Variants in PRDM1 observed in about 807,000 individuals in gnomAD.
PRDM1 encodes the protein PR/SET domain 1.
A neutral mutation model predicts 62.8 loss-of-function variants in PRDM1; 13 were observed. The observed-to-expected ratio is 0.21, with a 90% confidence interval of 0.13 to 0.33. The LOEUF is 0.33. Ranked by LOEUF, PRDM1 falls within the 10% of genes least tolerant of loss-of-function variation. PRDM1 has a pLI of 1.00. For missense variants in PRDM1, 895 were observed against 1,058.8 expected (o/e 0.85, Z 2.15); for synonymous variants, 396 against 417.6 (o/e 0.95, Z 0.63).
intron 3 of PRDM1, chr6:106,096,055 G>A: frequency 4.4e-6 from 1 of 225,432 alleles, no homozygotes; most frequent in Non-Finnish European, 8.9e-6. Context: ...CAAGGAAGTA[G>A]TAATGAGTTA....
intron 1 of PRDM1, among the ~76,000 whole-genome samples, chr6:106,061,756 A>C (rs1451492732): frequency 6.6e-6 from 1 of 152,198 alleles, no homozygotes. Flanking sequence ...AGAGGTCTTC[A>C]TGCATTTTCA....
chr6:105,995,745 C>T (rs942108934), intron 1 of PRDM1, among the ~76,000 whole-genome samples: 1 of 151,670 alleles, frequency 6.6e-6, no homozygotes, highest in Non-Finnish European at 1.5e-5. Context: ...AATCAGTCAG[C>T]TAGACTTGGT....
chr6:106,015,500 G>A (rs1433606361), intron 1 of PRDM1, among the ~76,000 whole-genome samples: 2 of 141,940 alleles, frequency 1.4e-5, no homozygotes, highest in Non-Finnish European at 3.0e-5. Context: ...ATGAGAAAGA[G>A]AAAAAGAGAT....
intron 1 of PRDM1, among the ~76,000 whole-genome samples, chr6:105,997,118 C>A (rs1772357727): frequency 6.6e-6 from 1 of 152,180 alleles, no homozygotes; most frequent in Non-Finnish European, 1.5e-5. Context: ...ACTGTAAGGA[C>A]AGGGGTAAAA....
chr6:105,998,786 T>C (rs1171633795), intron 1 of PRDM1, among the ~76,000 whole-genome samples: 2 of 151,858 alleles, frequency 1.3e-5, no homozygotes, highest in African/African-American at 4.8e-5. Context: ...ATTTTTACCA[T>C]TTATAGTTCT....
intron 1 of PRDM1, among the ~76,000 whole-genome samples, chr6:106,053,743 C>T (rs76616238): frequency 6.1e-4 from 93 of 152,178 alleles, no homozygotes; most frequent in African/African-American, 2.2e-3. Flanking sequence ...CCCTGGTTGG[C>T]GAGGCTCCCT....
At chr6:106,025,711 C>A (rs1261149851) in intron 1 of PRDM1, among the ~76,000 whole-genome samples, 2 of 152,140 alleles carry the variant, frequency 1.3e-5, no homozygotes, top group Non-Finnish European at 2.9e-5. Flanking sequence ...AATAACATAG[C>A]ATTATTATGC....
chr6:106,086,568 C>T lies in PRDM1; in HGVS notation c.15C>T (p.Cys5=). 1.9e-6 allele frequency: 3 copies of T among 1,551,560 alleles called. No individual in the cohort carries two copies. The highest frequency in any genetic ancestry group is 1.2e-5 in the South Asian group (1 of 84,002). The change falls in exon 1 of 7, where the codon TGC becomes TGT. Residue 5 remains cysteine, a synonymous_variant. Transcript: ENST00000369096. ...ACTTTTCTCAGATGTTGGATATTTG[C>T]TTGGAAAAACGTGTGGGTACGACCT... MLDI[C]LEKRVGTTLA...
intron 1 of PRDM1, among the ~76,000 whole-genome samples, chr6:106,073,945 A>T (rs1265461040): frequency 1.3e-5 from 2 of 152,202 alleles, no homozygotes; most frequent in Admixed American, 6.5e-5. Context: ...ACATGAGTGG[A>T]GACAAAGACT....
chr6:106,014,538 A>G (rs1348850097), intron 1 of PRDM1, among the ~76,000 whole-genome samples: 1 of 151,918 alleles, frequency 6.6e-6, no homozygotes, highest in East Asian at 1.9e-4. Flanking sequence ...AAACCAGATT[A>G]TTTTAATATA....
intron 3 of PRDM1, chr6:106,098,288 A>G (rs1774166575): frequency 1.0e-6 from 1 of 985,192 alleles, no homozygotes; most frequent in Non-Finnish European, 1.2e-6. Context: ...AGGGGAAGAG[A>G]GAAAACTTTG....
At chr6:106,027,593 T>C (rs1025684123) in intron 1 of PRDM1, among the ~76,000 whole-genome samples, 10 of 147,538 alleles carry the variant, frequency 6.8e-5, no homozygotes, top group Admixed American at 5.5e-4. Context: ...AGTTGTAAAG[T>C]ACAGACTGCA....
intron 1 of PRDM1, among the ~76,000 whole-genome samples, chr6:106,053,104 A>G (rs1773205685): frequency 6.6e-6 from 1 of 152,206 alleles, no homozygotes; most frequent in Non-Finnish European, 1.5e-5. Flanking sequence ...TTATTTTAGA[A>G]TGAATTGATT....
intron 1 of PRDM1, among the ~76,000 whole-genome samples, chr6:106,055,991 C>T (rs1242504670): frequency 6.6e-6 from 1 of 151,906 alleles, no homozygotes. Flanking sequence ...GAGAAAGGCT[C>T]ATTCTTAAGA....
At chr6:106,084,881 C>T (rs17066563), upstream of PRDM1, among the ~76,000 whole-genome samples, 5 of 152,184 alleles carry the variant, frequency 3.3e-5, no homozygotes, top group South Asian at 6.2e-4. Flanking sequence ...CAGCAAGCAG[C>T]GAGTGTGTGC....
At chr6:106,104,733 T>C in intron 4 of PRDM1, 92 bp from the exon 5 acceptor site, 1 of 1,431,254 alleles carries the variant, frequency 7.0e-7, no homozygotes, top group Non-Finnish European at 9.4e-7. Context: ...CAGCTGTTAC[T>C]CAGGTTTTCT....
exon 1 of PRDM1, among the ~76,000 whole-genome samples, chr6:105,993,546 G>A (rs995058492): frequency 6.6e-6 from 1 of 152,264 alleles, no homozygotes; most frequent in African/African-American, 2.4e-5. Context: ...CCACTTGGAA[G>A]ATTGCTGGGT....
Position 106,109,170 on chromosome 6 carries a change from A to G in PRDM1, c.*1684A>G, listed in dbSNP as rs889015763. The stretch of plus-strand genomic sequence containing the variant: ...TTGGTGACCTCACAATCACGTCGGT[A>G]TGATTGGGCACCCTTGCCTACTGTA... On this transcript the variant is annotated 3_prime_UTR_variant, in exon 7 of 7. Transcript: ENST00000369096. The G allele has an allele frequency of 1.0e-4, 21 of 210,118 alleles. No individual in the cohort carries two copies. The highest frequency in any genetic ancestry group is 4.8e-4 in the African/African-American group (21 of 43,926). 13.0% of individuals were successfully genotyped at this position (210,118 alleles called of 1,614,324 possible).
chr6:106,027,926 G>A (rs1772787893), intron 1 of PRDM1, among the ~76,000 whole-genome samples: 1 of 152,062 alleles, frequency 6.6e-6, no homozygotes, highest in Non-Finnish European at 1.5e-5. Flanking sequence ...CCCTGGAGTG[G>A]GTTTGCAAAT....
Sources: gnomAD v4.1 joint callset for allele counts (sites outside exome capture counted in the v4.1 genomes callset) on GRCh38, gnomAD v4.1.1 for gene constraint, MANE v1.5 for transcripts, NCBI Gene and HGNC (gene_info 2026-07-23, HGNC 2026-07-21) for gene names.